Variants in NCMAP observed in about 807,000 individuals in gnomAD.
NCMAP encodes the protein non-compact myelin associated protein.
Under a neutral mutation model 7.8 loss-of-function variants are expected in NCMAP, and 8 were observed. The ratio of observed to expected loss-of-function variants is 1.02; its 90% confidence interval spans 0.60 to 1.84. The LOEUF (loss-of-function observed/expected upper bound fraction) is 1.84. NCMAP is among the 40% of genes most tolerant of loss of function. NCMAP has a pLI of 0.00. For synonymous variants in NCMAP, 41 were observed against 52.9 expected (o/e 0.78, Z 0.98); for missense variants, 112 against 131.4 (o/e 0.85, Z 0.72).
intron 1 of NCMAP, among the ~76,000 whole-genome samples, chr1:24,578,519 G>A (rs1651654919): frequency 6.6e-6 from 1 of 150,840 alleles, no homozygotes; most frequent in Admixed American, 6.6e-5. Flanking sequence ...TAATCCCTAA[G>A]CCTGTTGGGG....
intron 3 of NCMAP, among the ~76,000 whole-genome samples, chr1:24,602,738 G>GA (rs879803450): frequency 0.041 from 5,909 of 143,558 alleles, 387 homozygotes; most frequent in African/African-American, 0.14. Context: ...CCTGTCTCTG[G>GA]AAAAAAAAAA....
At chr1:24,592,599 A>G (rs1652079570) in intron 1 of NCMAP, among the ~76,000 whole-genome samples, 1 of 152,194 alleles carries the variant, frequency 6.6e-6, no homozygotes, top group Non-Finnish European at 1.5e-5. Context: ...AAGGGATTTC[A>G]GCTATGTCTG....
chr1:24,563,035 C>G (rs1254975449), intron 1 of NCMAP, among the ~76,000 whole-genome samples: 1 of 152,206 alleles, frequency 6.6e-6, no homozygotes, highest in Non-Finnish European at 1.5e-5. Context: ...GCAGCTACTA[C>G]AAAAGAAAGA....
intron 1 of NCMAP, among the ~76,000 whole-genome samples, chr1:24,569,444 ACTCCC>A: frequency 6.8e-6 from 1 of 147,166 alleles, no homozygotes; most frequent in Non-Finnish European, 1.5e-5. Flanking sequence ...CCCAGACTTC[ACTCCC>A]ATTGTTCTTC....
At chr1:24,584,116 C>T (rs1651814867) in intron 1 of NCMAP, among the ~76,000 whole-genome samples, 1 of 152,272 alleles carries the variant, frequency 6.6e-6, no homozygotes, top group South Asian at 2.1e-4. Context: ...GGGCATAAAC[C>T]CATTAACCCT....
chr1:24,600,800 TC>T, intron 2 of NCMAP, 139 bp from the exon 3 acceptor site: 2 of 732,404 alleles, frequency 2.7e-6, no homozygotes, highest in Non-Finnish European at 2.5e-6. Context: ...TGTCCTGGGG[TC>T]AACTGGGAGT....
chr1:24,598,499 C>G (rs1041511571), intron 2 of NCMAP, among the ~76,000 whole-genome samples: 8 of 152,118 alleles, frequency 5.3e-5, no homozygotes, highest in African/African-American at 1.2e-4. Flanking sequence ...ACCATATGCA[C>G]TCCTTCGTAT....
At chr1:24,562,977 G>C (rs560377895) in intron 1 of NCMAP, among the ~76,000 whole-genome samples, 2 of 152,282 alleles carry the variant, frequency 1.3e-5, no homozygotes, top group African/African-American at 2.4e-5. Flanking sequence ...GGCATCCCTG[G>C]GGGGGGACAG....
At chr1:24,559,773 C>A (rs572833182) in intron 1 of NCMAP, among the ~76,000 whole-genome samples, 34 of 152,154 alleles carry the variant, frequency 2.2e-4, no homozygotes, top group Non-Finnish European at 4.6e-4. Flanking sequence ...ATGAGCAGGG[C>A]GTTAAGCCCT....
At chr1:24,577,710 A>T (rs2148929974) in intron 1 of NCMAP, among the ~76,000 whole-genome samples, 1 of 152,062 alleles carries the variant, frequency 6.6e-6, no homozygotes. Flanking sequence ...CATGGCATAG[A>T]TATTAACTAC....
Position 24,606,189 on chromosome 1 carries a change from C to G in NCMAP, c.*442C>G, listed in dbSNP as rs1652725587. On this transcript the variant is annotated 3_prime_UTR_variant, in exon 4 of 4. Transcript: ENST00000374392. Reference sequence around the variant, plus strand: ...CAGAGCAAAACATTCAATCCCATAACCAGGCACAGGGGAACTAACTTGGAC... The same window carrying G: ...CAGAGCAAAACATTCAATCCCATAAGCAGGCACAGGGGAACTAACTTGGAC... 6.4e-6 allele frequency: 1 copy of G among 156,234 alleles called. No homozygotes were observed. Among genetic ancestry groups the G allele is most frequent in the Admixed American group, 6.4e-5 (1 of 15,580 alleles). The allele number at this position is 156,234 out of a possible 1,614,324, so 9.7% of individuals were successfully genotyped here.
At chr1:24,578,300 G>A (rs1172872355) in intron 1 of NCMAP, among the ~76,000 whole-genome samples, 2 of 150,934 alleles carry the variant, frequency 1.3e-5, no homozygotes, top group Non-Finnish European at 2.9e-5. Flanking sequence ...ACCTTCCTCT[G>A]TCTATGTGCT....
intron 1 of NCMAP, among the ~76,000 whole-genome samples, chr1:24,564,188 AAGAAACAGAGAC>A (rs1651144092): frequency 6.6e-6 from 1 of 152,160 alleles, no homozygotes; most frequent in East Asian, 1.9e-4. Context: ...GCAACAGGGA[AAGAAACAGAGAC>A]AACACATAGA....
rs982111465 is a variant in NCMAP, at chr1:24,608,223, A to T, written c.*2476A>T. 4 of 152,234 alleles carry T rather than the reference A, an allele frequency of 2.6e-5. No individual in the cohort carries two copies. Among genetic ancestry groups the T allele is most frequent in the East Asian group, 1.9e-4 (1 of 5,202 alleles). 9.4% of individuals were successfully genotyped at this position (152,234 alleles called of 1,614,324 possible). A position where few individuals can be genotyped will look rare whatever the true frequency, so the allele number is the denominator to read the frequency against. ...CTAGTAAGTCACAAAGACAAGACTC[A>T]AAACCAGGTCTCTTGACTCCAAAGT... On this transcript the variant is annotated 3_prime_UTR_variant, in exon 4 of 4. Coordinates refer to ENST00000374392, the MANE Select transcript of NCMAP (RefSeq NM_001010980.5).
intron 1 of NCMAP, among the ~76,000 whole-genome samples, chr1:24,588,603 C>T (rs1184472260): frequency 1.3e-5 from 2 of 152,184 alleles, no homozygotes; most frequent in African/African-American, 4.8e-5. Context: ...CCACATTCAG[C>T]TCTTAGACTT....
At chr1:24,605,558 G>T (rs375899123) in intron 3 of NCMAP, 48 bp from the exon 4 acceptor site, 1 of 1,599,950 alleles carries the variant, frequency 6.3e-7, no homozygotes, top group African/African-American at 1.3e-5. Flanking sequence ...CATTCCCCGC[G>T]GCATACCAGG....
chr1:24,597,615 A>AAG (rs60751058), intron 2 of NCMAP, among the ~76,000 whole-genome samples: 19 of 69,048 alleles, frequency 2.8e-4, no homozygotes, highest in East Asian at 8.6e-4. Context: ...GAAAGAAAGA[A>AAG]AGAGAAAGAA....
At chr1:24,571,894 T>A (rs1557594594) in intron 1 of NCMAP, among the ~76,000 whole-genome samples, 3 of 150,906 alleles carry the variant, frequency 2.0e-5, no homozygotes, top group South Asian at 2.1e-4. Flanking sequence ...AAGAAAAAAA[T>A]TATGAATGAG....
chr1:24,560,496 G>T (rs1174070485), intron 1 of NCMAP, among the ~76,000 whole-genome samples: 1 of 152,228 alleles, frequency 6.6e-6, no homozygotes, highest in African/African-American at 2.4e-5. Context: ...TGGGCCCGGG[G>T]TGTTGGCTCA....
Sources: allele counts gnomAD v4.1 joint callset (sites outside exome capture counted in the v4.1 genomes callset), GRCh38; gene constraint gnomAD v4.1.1; transcripts MANE v1.5; gene names NCBI Gene and HGNC (gene_info 2026-07-23, HGNC 2026-07-21).